The following DLGAP2 variants were observed in gnomAD, a reference collection of about 807,000 sequenced individuals.
DLGAP2 encodes DLG associated protein 2.
In DLGAP2, 26 loss-of-function variants were observed where a neutral mutation model predicts 100.3. The observed-to-expected ratio is 0.26, with a 90% CI of 0.19 to 0.36. The LOEUF is 0.36. Among genes scored for constraint, DLGAP2 ranks in the 10% least tolerant of loss-of-function variants. DLGAP2 has a pLI of 1.00. For synonymous variants in DLGAP2, 886 were observed against 630.1 expected, an observed-to-expected ratio of 1.41 and a Z score of -6.08; for missense variants, 1,858 against 1,453.2, an observed-to-expected ratio of 1.28 and a Z score of -4.53.
intron 2 of DLGAP2, among the ~76,000 whole-genome samples, chr8:1,141,543 T>C: frequency 6.6e-6 from 1 of 152,298 alleles, no homozygotes; most frequent in Middle Eastern, 3.4e-3. Context: ...CTTTCTTATA[T>C]TATTAATGGG....
chr8:1,062,318 C>G (rs1803108673), intron 2 of DLGAP2, among the ~76,000 whole-genome samples: 1 of 152,186 alleles, frequency 6.6e-6, no homozygotes, highest in Non-Finnish European at 1.5e-5. Context: ...CCGTGGCAGC[C>G]TGGTCCGGGC....
chr8:892,528 G>A (rs1404205136), intron 1 of DLGAP2, among the ~76,000 whole-genome samples: 2 of 152,126 alleles, frequency 1.3e-5, no homozygotes, highest in East Asian at 1.9e-4. Flanking sequence ...AGAATGGGGG[G>A]TGCCAGGGGC....
In DLGAP2 at chr8:887,074, C is replaced by T. The variant is rs983973882; in HGVS notation, c.19-20838C>T. On this transcript the variant is annotated intron_variant, in intron 1 of 14. Transcript: ENST00000637795. ...CTCCTTTATTGGGTGCGTATATATT[C>T]AGAATAGTTAACTCTTCTTGTCGAA... 4.6e-5 allele frequency among the ~76,000 whole-genome samples: 7 copies of T among 152,226 alleles called. No individual in the cohort carries two copies. The South Asian group carries it at 1.2e-3, about 27-fold the overall frequency.
At chr8:1,496,703 C>A (rs931467589) in intron 3 of DLGAP2, among the ~76,000 whole-genome samples, 2 of 152,134 alleles carry the variant, frequency 1.3e-5, no homozygotes, top group African/African-American at 4.8e-5. Flanking sequence ...CTCTGAAGCT[C>A]AAGGGTGATC....
intron 6 of DLGAP2, among the ~76,000 whole-genome samples, chr8:1,592,520 C>T (rs1406210591): frequency 6.6e-6 from 1 of 152,040 alleles, no homozygotes; most frequent in Non-Finnish European, 1.5e-5. Flanking sequence ...AAATCCCATC[C>T]GGATGTAACT....
Position 946,303 on chromosome 8 carries a change from A to T in DLGAP2, c.73+38337A>T, listed in dbSNP as rs537947128. Among the ~76,000 whole-genome samples the T allele has an allele frequency of 6.8e-5, 10 of 148,148 alleles. No individual in the cohort carries two copies. In the East Asian group the frequency reaches 1.8e-3, roughly 26 times the overall value. ...TTTTTTTTGACAGTCTCACTCTGTC[A>T]TCCAGGCTGGAGTGCAGTGGTGCGA... On this transcript the variant is annotated intron_variant, in intron 2 of 14. Coordinates refer to ENST00000637795, the MANE Select transcript of DLGAP2 (RefSeq NM_001346810.2).
chr8:936,091 C>G (rs932813210), intron 2 of DLGAP2, among the ~76,000 whole-genome samples: 3 of 152,056 alleles, frequency 2.0e-5, no homozygotes, highest in Non-Finnish European at 4.4e-5. Flanking sequence ...GTTGAGCTGC[C>G]GGTGTGTTCT....
At chr8:1,032,543 C>A (rs1469432474) in intron 2 of DLGAP2, 3 of 152,170 alleles carry the variant, frequency 2.0e-5, no homozygotes, top group Admixed American at 1.3e-4. Context: ...CAGCTGTTTT[C>A]CTTTGTTGAT....
At chr8:1,605,665 TC>T (rs1248691935) in intron 6 of DLGAP2, among the ~76,000 whole-genome samples, 1 of 152,144 alleles carries the variant, frequency 6.6e-6, no homozygotes, top group Non-Finnish European at 1.5e-5. Flanking sequence ...GATGTTACCT[TC>T]CCTGTTATAA....
chr8:752,956 G>C (rs1248820104), intron 1 of DLGAP2, among the ~76,000 whole-genome samples: 1 of 152,174 alleles, frequency 6.6e-6, no homozygotes, highest in Non-Finnish European at 1.5e-5. Context: ...TTATTATCAT[G>C]TGAAAAACGG....
intron 3 of DLGAP2, among the ~76,000 whole-genome samples, chr8:1,427,530 G>T (rs1210426211): frequency 6.6e-6 from 1 of 152,148 alleles, no homozygotes; most frequent in Non-Finnish European, 1.5e-5. Flanking sequence ...TGGTTTGGCT[G>T]TGTCCCTACC....
intron 3 of DLGAP2, among the ~76,000 whole-genome samples, chr8:1,496,684 C>G (rs932218610): frequency 1.3e-5 from 2 of 152,174 alleles, no homozygotes; most frequent in African/African-American, 2.4e-5. Flanking sequence ...GGGAGCAGGA[C>G]AGCCATTTCT....
chr8:1,547,629 C>T (rs1398840381), intron 4 of DLGAP2, among the ~76,000 whole-genome samples: 3 of 152,182 alleles, frequency 2.0e-5, no homozygotes, highest in African/African-American at 7.2e-5. Context: ...GCCCAGCCGC[C>T]TTCCCAGGGA....
intron 13 of DLGAP2, 23 bp from the exon 14 acceptor site, chr8:1,697,124 G>A: frequency 6.6e-7 from 1 of 1,524,980 alleles, no homozygotes; most frequent in South Asian, 1.3e-5. Context: ...TCCTGGCTCT[G>A]AACACCCTGT....
chr8:1,288,019 A>G (rs1301376890), intron 3 of DLGAP2, among the ~76,000 whole-genome samples: 8 of 71,522 alleles, frequency 1.1e-4, no homozygotes, highest in African/African-American at 1.4e-4. Context: ...TGTTAGGGGG[A>G]CTAGTTTCGG....
At chr8:1,081,707 C>T (rs1157029915) in intron 2 of DLGAP2, among the ~76,000 whole-genome samples, 1 of 152,174 alleles carries the variant, frequency 6.6e-6, no homozygotes, top group Non-Finnish European at 1.5e-5. Flanking sequence ...CCATTCTGTT[C>T]TTTCATGATT....
intron 3 of DLGAP2, among the ~76,000 whole-genome samples, chr8:1,304,602 G>T (rs1800445812): frequency 1.3e-5 from 2 of 152,260 alleles, no homozygotes; most frequent in African/African-American, 4.8e-5. Context: ...GAGTACAATT[G>T]TTCTTAATCC....
Position 1,052,633 on chromosome 8 carries a change from G to C in DLGAP2, c.73+144667G>C, listed in dbSNP as rs988740976. 2.0e-5 allele frequency among the ~76,000 whole-genome samples: 3 copies of C among 152,266 alleles called. 1 individual carries two copies. The highest frequency in any genetic ancestry group is 3.4e-3 in the Middle Eastern group (1 of 294). Reference sequence around the variant, plus strand: ...GGCTGGGGGATCATTAGCTTCTGTAGGAACAAACCCCATAGATGTTGCATT... The same window carrying C: ...GGCTGGGGGATCATTAGCTTCTGTACGAACAAACCCCATAGATGTTGCATT... On this transcript the variant is annotated intron_variant, in intron 2 of 14. Coordinates refer to ENST00000637795, the MANE Select transcript of DLGAP2 (RefSeq NM_001346810.2).
At chr8:1,441,432 G>A (rs561497439) in intron 3 of DLGAP2, among the ~76,000 whole-genome samples, 3 of 152,220 alleles carry the variant, frequency 2.0e-5, no homozygotes, top group East Asian at 3.9e-4. Flanking sequence ...GCTCACTCCT[G>A]TAATCACAGC....
Sources: gnomAD v4.1 joint callset for allele counts (sites outside exome capture counted in the v4.1 genomes callset) on GRCh38, gnomAD v4.1.1 for gene constraint, MANE v1.5 for transcripts, NCBI Gene and HGNC (gene_info 2026-07-23, HGNC 2026-07-21) for gene names.